The following KDM4C variants were observed in gnomAD, a reference collection of about 807,000 sequenced individuals.
KDM4C encodes lysine-specific demethylase 4C.
KDM4C carries 81 observed loss-of-function variants against 129.3 expected under a neutral mutation model. The observed-to-expected ratio is 0.63, with a 90% CI of 0.52 to 0.75. The LOEUF is 0.75. Ranked by LOEUF, KDM4C falls within the 30% of genes least tolerant of loss-of-function variation. KDM4C has a pLI of 0.00. For synonymous variants in KDM4C, 573 were observed against 456.1 expected (o/e 1.26, Z -3.26); for missense variants, 1,457 against 1,304.0 (o/e 1.12, Z -1.81).
chr9:7,120,345 G>A (rs142028702), intron 18 of KDM4C, among the ~76,000 whole-genome samples: 1 of 152,156 alleles, frequency 6.6e-6, no homozygotes, highest in South Asian at 2.1e-4. Flanking sequence ...TTCAACATTG[G>A]TAGTCTTAGG....
intron 8 of KDM4C, among the ~76,000 whole-genome samples, chr9:6,979,607 A>C (rs893721089): frequency 6.6e-6 from 1 of 152,146 alleles, no homozygotes; most frequent in African/African-American, 2.4e-5. Context: ...GGGTGATTAC[A>C]CCTTATTGAA....
chr9:6,726,910 T>A (rs1817149887), intron 1 of KDM4C: 1 of 152,072 alleles, frequency 6.6e-6, no homozygotes, highest in Non-Finnish European at 1.5e-5. Context: ...TAATTTTGTA[T>A]TTTTAGTAGA....
chr9:6,835,457 A>T, intron 4 of KDM4C: 1 of 1,257,816 alleles, frequency 8.0e-7, no homozygotes. Flanking sequence ...CCTGAGCTCA[A>T]GCACTCTGTG....
intron 17 of KDM4C, among the ~76,000 whole-genome samples, chr9:7,065,646 G>T (rs1415884144): frequency 1.3e-5 from 2 of 152,190 alleles, no homozygotes; most frequent in African/African-American, 4.8e-5. Context: ...ATGATGAATT[G>T]ACCGTGTCAA....
chr9:6,884,343 T>G (rs1844927394), intron 6 of KDM4C, among the ~76,000 whole-genome samples: 1 of 152,218 alleles, frequency 6.6e-6, no homozygotes, highest in Non-Finnish European at 1.5e-5. Flanking sequence ...ACAATGTAGG[T>G]CATTGGTTCT....
intron 8 of KDM4C, among the ~76,000 whole-genome samples, chr9:6,952,981 A>T (rs1179293919): frequency 1.3e-5 from 2 of 152,090 alleles, no homozygotes; most frequent in African/African-American, 4.8e-5. Flanking sequence ...TTGCATTTTT[A>T]TGTGATGTCA....
chr9:6,865,156 C>T (rs556265328), intron 5 of KDM4C, among the ~76,000 whole-genome samples: 1 of 151,748 alleles, frequency 6.6e-6, no homozygotes, highest in Non-Finnish European at 1.5e-5. Flanking sequence ...CTGCAGGTGC[C>T]CGCCACCACA....
chr9:6,793,546 T>C (rs1564018220), intron 2 of KDM4C, among the ~76,000 whole-genome samples: 1 of 150,892 alleles, frequency 6.6e-6, no homozygotes, highest in Non-Finnish European at 1.5e-5. Context: ...TTCTTTCTTT[T>C]TTTTTTTTTT....
At chr9:7,151,783 C>G (rs560635912) in intron 19 of KDM4C, among the ~76,000 whole-genome samples, 41 of 152,290 alleles carry the variant, frequency 2.7e-4, no homozygotes, top group African/African-American at 9.9e-4. Context: ...ATCGATTAAC[C>G]CAGAGCCTGA....
rs889939673 is a variant in KDM4C, at chr9:6,739,882, ATTATTTATTTTTAT to A, written c.49+18898_49+18911del. 7.2e-4 allele frequency among the ~76,000 whole-genome samples: 109 copies of A among 152,152 alleles called. 1 individual carries two copies. Among genetic ancestry groups the A allele is most frequent in the African/African-American group, 2.5e-3 (102 of 41,538 alleles). ...AAAAGCTATCTCATAATTAATTTTT[ATTATTTATTTTTAT>A]TTATTTATTTTTGAGACGGAGTCTC... On this transcript the variant is annotated intron_variant, in intron 1 of 17. Coordinates refer to the KDM4C transcript ENST00000536108.
At chr9:7,102,309 CTT>C (rs34614459) in intron 17 of KDM4C, among the ~76,000 whole-genome samples, 15 of 89,980 alleles carry the variant, frequency 1.7e-4, no homozygotes, top group Admixed American at 8.3e-4. Context: ...ATGGTTTTCC[CTT>C]TTTTTTTTTT....
Position 6,999,414 on chromosome 9 carries a change from C to G in KDM4C, c.1786+8890C>G, listed in dbSNP as rs1397135834. ...GGGCGCGGTGGCTCACGCCTGTAAT[C>G]CCAGCACTTTGGGAGGCAGAGGCGG... On this transcript the variant is annotated intron_variant, in intron 12 of 21. Transcript: ENST00000381309. 0.023 allele frequency among the ~76,000 whole-genome samples: 44 copies of G among 1,916 alleles called. 22 individuals are homozygous for G. The Admixed American group carries it at 0.38, about 17-fold the overall frequency. 1.3% of individuals were successfully genotyped at this position (1,916 alleles called of 152,430 possible). A position where few individuals can be genotyped will look rare whatever the true frequency, so the allele number is the denominator to read the frequency against.
chr9:6,875,592 G>C (rs1180477400), intron 5 of KDM4C, among the ~76,000 whole-genome samples: 3 of 152,192 alleles, frequency 2.0e-5, no homozygotes, highest in Non-Finnish European at 2.9e-5. Context: ...TTCATCTCTA[G>C]TGGCGATAAC....
At chr9:6,920,641 C>T (rs1342685056) in intron 8 of KDM4C, among the ~76,000 whole-genome samples, 5 of 152,028 alleles carry the variant, frequency 3.3e-5, no homozygotes, top group Non-Finnish European at 7.4e-5. Flanking sequence ...GGGGTGAAAG[C>T]GGAATTCTTT....
At chr9:6,904,297 T>C (rs1434780707) in intron 8 of KDM4C, among the ~76,000 whole-genome samples, 1 of 152,164 alleles carries the variant, frequency 6.6e-6, no homozygotes, top group Admixed American at 6.5e-5. Context: ...CCTATATCTA[T>C]ATATGTCTTT....
intron 8 of KDM4C, among the ~76,000 whole-genome samples, chr9:6,896,495 A>T (rs561596575): frequency 1.3e-5 from 2 of 151,370 alleles, no homozygotes; most frequent in Non-Finnish European, 2.9e-5. Context: ...ATATAAAAAT[A>T]TAATTTTGTG....
At chr9:6,992,372 C>G (rs1818911096) in intron 12 of KDM4C, among the ~76,000 whole-genome samples, 1 of 152,196 alleles carries the variant, frequency 6.6e-6, no homozygotes, top group Non-Finnish European at 1.5e-5. Context: ...ATGAAGTCGT[C>G]TCAAGGGTTT....
At chr9:6,836,945 A>C (rs1193459326) in intron 4 of KDM4C, among the ~76,000 whole-genome samples, 1 of 152,190 alleles carries the variant, frequency 6.6e-6, no homozygotes, top group Non-Finnish European at 1.5e-5. Flanking sequence ...AAGTTTCTCA[A>C]AGGTATTTAC....
chr9:6,744,989 C>T (rs550776732), intron 1 of KDM4C, among the ~76,000 whole-genome samples: 2 of 152,276 alleles, frequency 1.3e-5, no homozygotes, highest in African/African-American at 4.8e-5. Flanking sequence ...TATTCCTCCT[C>T]CTCCACCTCC....
Sources: gnomAD v4.1 joint callset for allele counts (sites outside exome capture counted in the v4.1 genomes callset) on GRCh38, gnomAD v4.1.1 for gene constraint, MANE v1.5 for transcripts, NCBI Gene and HGNC (gene_info 2026-07-23, HGNC 2026-07-21) for gene names.